Variants in RHOT1 observed in about 807,000 individuals in gnomAD.
The protein encoded by RHOT1 is mitochondrial Rho GTPase 1.
RHOT1 carries 27 observed loss-of-function variants against 95.3 expected under a neutral mutation model. That is an observed-to-expected ratio of 0.28 (90% confidence interval 0.21 to 0.39). The LOEUF (loss-of-function observed/expected upper bound fraction) is 0.39. RHOT1 is among the 10% of genes least tolerant of loss of function. The pLI is 1.00. For missense variants in RHOT1, 578 were observed against 786.7 expected, an observed-to-expected ratio of 0.73 and a Z score of 3.17; for synonymous variants, 227 against 263.5, an observed-to-expected ratio of 0.86 and a Z score of 1.34.
At chr17:32,142,813 C>A in intron 1 of RHOT1, 84 bp downstream of exon 1, 1 of 1,238,228 alleles carries the variant, frequency 8.1e-7, no homozygotes, top group African/African-American at 1.5e-5. Context: ...CCCCTGCAGC[C>A]CCAACCTTTG....
rs780088858 is a variant in RHOT1, at chr17:32,202,770, T to C, written c.1202T>C (p.Val401Ala). The stretch of plus-strand genomic sequence containing the variant: ...GGTTTTTTATTATTATTATTTTTAG[T>C]GACAAGAGATAAAAAGATAGACCTG... ...EQESQASAVTVTRDKKIDLQK... is the reference protein window; with the variant it reads ...EQESQASAVTATRDKKIDLQK... The change falls in exon 15 of 20, where the codon GTG (valine) becomes GCG (alanine). Residue 401 changes from valine (V) to alanine (A), a missense_variant and splice_region_variant. This residue lies in a region of RHOT1 where 296 missense variants were observed against 338.5 expected (regional missense o/e 0.87). Coordinates refer to ENST00000545287, the MANE Select transcript of RHOT1 (RefSeq NM_001033566.3). 5.1e-6 allele frequency: 8 copies of C among 1,568,792 alleles called. No homozygotes were observed. The South Asian group carries it at 8.1e-5, about 16-fold the overall frequency.
At chr17:32,150,643 G>C (rs2032165874) in intron 1 of RHOT1, 1 of 1,592,794 alleles carries the variant, frequency 6.3e-7, no homozygotes, top group Admixed American at 1.7e-5. Flanking sequence ...GTGGAAAGAA[G>C]AGCTGGATAT....
At chr17:32,217,252 T>C (rs771519676) in intron 19 of RHOT1, among the ~76,000 whole-genome samples, 4 of 152,216 alleles carry the variant, frequency 2.6e-5, no homozygotes, top group Admixed American at 6.5e-5. Context: ...TTAGGCGTGC[T>C]CAGTTAACAG....
At chr17:32,192,336 T>A in intron 9 of RHOT1, 37 bp downstream of exon 9, 10 of 647,624 alleles carry the variant, frequency 1.5e-5, no homozygotes, top group Non-Finnish European at 2.1e-5. Flanking sequence ...GCGTATCTTT[T>A]TTTTTTTTTT....
At chr17:32,162,343 A>G (rs2033641982) in intron 1 of RHOT1, among the ~76,000 whole-genome samples, 1 of 152,222 alleles carries the variant, frequency 6.6e-6, no homozygotes, top group African/African-American at 2.4e-5. Context: ...CTGTGCCAGA[A>G]GCTGGGGACA....
At chr17:32,176,574 A>G (rs1004463289) in intron 6 of RHOT1, among the ~76,000 whole-genome samples, 4 of 150,346 alleles carry the variant, frequency 2.7e-5, no homozygotes, top group African/African-American at 9.8e-5. Context: ...TTATTTATTT[A>G]TTTATTTATT....
At chr17:32,219,426 C>T (rs993925999) in intron 19 of RHOT1, among the ~76,000 whole-genome samples, 4 of 152,048 alleles carry the variant, frequency 2.6e-5, no homozygotes, top group African/African-American at 9.7e-5. Context: ...TGTGCCCAAC[C>T]AGTTCATGTT....
At chr17:32,205,676 A>G (rs1007452486) in intron 16 of RHOT1, among the ~76,000 whole-genome samples, 1 of 152,236 alleles carries the variant, frequency 6.6e-6, no homozygotes, top group Non-Finnish European at 1.5e-5. Context: ...GTGGTGGCTC[A>G]TGCCTCTAAT....
At chr17:32,175,137 C>T (rs1477876840) in intron 3 of RHOT1, among the ~76,000 whole-genome samples, 182 bp from the exon 4 acceptor site, 1 of 152,204 alleles carries the variant, frequency 6.6e-6, no homozygotes, top group Admixed American at 6.5e-5. Flanking sequence ...TTTATAGACT[C>T]GTCTTTCAGG....
At chr17:32,209,516 T>C (rs938753565) in intron 18 of RHOT1, 11 of 900,044 alleles carry the variant, frequency 1.2e-5, no homozygotes, top group Non-Finnish European at 2.0e-5. Flanking sequence ...CCAAATCTCC[T>C]TTCTTGCCAT....
chr17:32,163,934 A>G (rs1301499267), intron 1 of RHOT1, among the ~76,000 whole-genome samples: 1 of 152,008 alleles, frequency 6.6e-6, no homozygotes, highest in African/African-American at 2.4e-5. Context: ...AGGCAGGTGG[A>G]TCACGAGGTC....
At chr17:32,172,240 C>A (rs534532886) in intron 2 of RHOT1, among the ~76,000 whole-genome samples, 1 of 152,034 alleles carries the variant, frequency 6.6e-6, no homozygotes, top group South Asian at 2.1e-4. Flanking sequence ...CTTTTTTTCT[C>A]TTAGACAAGA....
At chr17:32,173,744 T>G in intron 2 of RHOT1, 87 bp from the exon 3 acceptor site, 1 of 882,124 alleles carries the variant, frequency 1.1e-6, no homozygotes, top group Non-Finnish European at 1.8e-6. Flanking sequence ...ACTCAACCTG[T>G]GTAGATAAAT....
chr17:32,170,604 C>G (rs2034497464), intron 1 of RHOT1, among the ~76,000 whole-genome samples: 1 of 152,128 alleles, frequency 6.6e-6, no homozygotes, highest in South Asian at 2.1e-4. Flanking sequence ...TTATCCTCAA[C>G]AAAAACTATG....
At chr17:32,145,237 T>A (rs1052672403) in intron 1 of RHOT1, among the ~76,000 whole-genome samples, 3 of 151,800 alleles carry the variant, frequency 2.0e-5, no homozygotes, top group Non-Finnish European at 4.4e-5. Context: ...GAGATGGAGG[T>A]CGCAGTGAGC....
At chr17:32,195,876 G>A (rs1023393472) in intron 11 of RHOT1, among the ~76,000 whole-genome samples, 2 of 152,044 alleles carry the variant, frequency 1.3e-5, no homozygotes, top group African/African-American at 4.8e-5. Context: ...TTTCTTTTCT[G>A]TGTCATTTAT....
intron 19 of RHOT1, chr17:32,221,042 G>T (rs765010254): frequency 4.5e-5 from 44 of 981,304 alleles, no homozygotes; most frequent in Admixed American, 6.2e-5. Context: ...CTTTTGAATT[G>T]TGGAAGAATT....
At chr17:32,176,130 A>G (rs200941498) in intron 5 of RHOT1, 31 bp from the exon 6 acceptor site, 2 of 1,603,192 alleles carry the variant, frequency 1.2e-6, no homozygotes, top group African/African-American at 1.3e-5. Context: ...GATCCTTATC[A>G]TGGCTAAGCG....
intron 8 of RHOT1, among the ~76,000 whole-genome samples, chr17:32,191,127 C>T (rs1005004359): frequency 6.6e-6 from 1 of 152,024 alleles, no homozygotes; most frequent in African/African-American, 2.4e-5. Context: ...ACTTCTTTTT[C>T]TCGTTTCTTT....
Sources: allele counts gnomAD v4.1 joint callset (sites outside exome capture counted in the v4.1 genomes callset), GRCh38; gene constraint gnomAD v4.1.1; regional missense constraint gnomAD v4.1.1; transcripts MANE v1.5; gene names NCBI Gene and HGNC (gene_info 2026-07-23, HGNC 2026-07-21).